The following HEPH variants were observed in gnomAD, a reference collection of about 807,000 sequenced individuals.
The protein encoded by HEPH is hephaestin.
In HEPH, 69 loss-of-function variants were observed where a neutral mutation model predicts 80.8. The observed-to-expected ratio is 0.85, with a 90% CI of 0.70 to 1.04. The LOEUF (loss-of-function observed/expected upper bound fraction) is 1.04. HEPH is among the 50% of genes least tolerant of loss of function. HEPH has a pLI of 0.00. For synonymous variants in HEPH, 431 were observed against 322.8 expected, an observed-to-expected ratio of 1.34 and a Z score of -3.60; for missense variants, 1,115 against 891.3, an observed-to-expected ratio of 1.25 and a Z score of -3.20.
intron 15 of HEPH, among the ~76,000 whole-genome samples, chrX:66,232,531 G>A (rs1469897811): frequency 9.0e-6 from 1 of 111,211 alleles, no homozygotes; most frequent in Non-Finnish European, 1.9e-5. Context: ...ATGTCCGTAT[G>A]AAATCCTAGT....
At chrX:66,235,382 A>G (rs143431972) in intron 15 of HEPH, among the ~76,000 whole-genome samples, 165 of 112,234 alleles carry the variant, frequency 1.5e-3, no homozygotes, top group South Asian at 7.9e-3. Flanking sequence ...AATAAGGCGT[A>G]AGGAAGGGGT....
intron 4 of HEPH, among the ~76,000 whole-genome samples, chrX:66,178,557 A>G (rs1289293197): frequency 8.9e-6 from 1 of 112,312 alleles, no homozygotes; most frequent in Non-Finnish European, 1.9e-5. Context: ...TTGTAGTCCC[A>G]CCAACAGTGT....
chrX:66,179,839 T>A (rs893504358), intron 4 of HEPH, among the ~76,000 whole-genome samples: 3 of 111,892 alleles, frequency 2.7e-5, no homozygotes, highest in African/African-American at 9.8e-5. Context: ...ATAATGGCCC[T>A]CTTTGTCTCT....
At chrX:66,241,174 A>G (rs1165529818) in intron 15 of HEPH, among the ~76,000 whole-genome samples, 1 of 112,530 alleles carries the variant, frequency 8.9e-6, no homozygotes, top group Non-Finnish European at 1.9e-5. Context: ...TGAATAGTCC[A>G]TGGACACTAT....
At position 66,187,227 on chromosome X, in the gene HEPH, ACCT is replaced by A. The variant is rs1260150054; in HGVS notation, c.626-1128_626-1126del. On this transcript the variant is annotated intron_variant, in intron 4 of 20. Transcript: ENST00000343002. Reference sequence around the variant, plus strand: ...GCCTCCCTGATTAGCTTAATAACTAACCTCCTGAATTCGTTTTCAGGTAAATCA... The same window carrying A: ...GCCTCCCTGATTAGCTTAATAACTAACCTGAATTCGTTTTCAGGTAAATCA... Among the ~76,000 whole-genome samples, 4 of 109,852 alleles carry A rather than the reference ACCT, an allele frequency of 3.6e-5. No individual in the cohort carries two copies. In the East Asian group the frequency reaches 1.1e-3, roughly 31 times the overall value.
intron 15 of HEPH, among the ~76,000 whole-genome samples, chrX:66,220,760 A>C (rs1361366661): frequency 9.0e-6 from 1 of 110,983 alleles, no homozygotes; most frequent in Non-Finnish European, 1.9e-5. Context: ...CACATTACTC[A>C]TATCATTTAT....
At position 66,205,922 on chromosome X, in the gene HEPH, G is replaced by A. The variant is rs185268231; in HGVS notation, c.2292-1273G>A. On this transcript the variant is annotated intron_variant, in intron 13 of 20. Coordinates refer to ENST00000343002, the MANE Select transcript of HEPH (RefSeq NM_001367233.3). ...CAGGACTAGAAAACGAGGGAGGGAA[G>A]GAGCAGCAGACTTGAATCTAAATCC... 2.4e-4 allele frequency among the ~76,000 whole-genome samples: 27 copies of A among 111,422 alleles called. No homozygotes were observed. In the East Asian group the frequency reaches 7.6e-3, roughly 31 times the overall value.
intron 15 of HEPH, among the ~76,000 whole-genome samples, chrX:66,221,346 C>A (rs1052662876): frequency 2.7e-5 from 3 of 112,390 alleles, no homozygotes; most frequent in African/African-American, 9.7e-5. Flanking sequence ...TAGGGTGTTG[C>A]AAACTTCAAT....
chrX:66,199,361 C>G (rs1482703150), intron 11 of HEPH, among the ~76,000 whole-genome samples: 1 of 70,003 alleles, frequency 1.4e-5, no homozygotes, highest in Non-Finnish European at 2.7e-5. Flanking sequence ...TACCTTGGGT[C>G]CCCCCCCCCC....
rs375448526 is a variant in HEPH, at chrX:66,179,427, G to A, written c.625+5626G>A. ...TTGCTTAGGATTGACTTGGCAATGCGGGCTCTTTTTTGGTTCCTTATGAAC... is the reference window on the plus strand; with the variant it reads ...TTGCTTAGGATTGACTTGGCAATGCAGGCTCTTTTTTGGTTCCTTATGAAC... On this transcript the variant is annotated intron_variant, in intron 4 of 20. Coordinates refer to ENST00000343002, the MANE Select transcript of HEPH (RefSeq NM_001367233.3). 3.4e-4 allele frequency among the ~76,000 whole-genome samples: 38 copies of A among 111,681 alleles called. 1 individual carries two copies. In the East Asian group the frequency reaches 4.8e-3, roughly 14 times the overall value.
At chrX:66,267,525 TGAG>T (rs915030211), downstream of HEPH, 1 of 111,440 alleles carries the variant, frequency 9.0e-6, no homozygotes, top group African/African-American at 3.3e-5. Flanking sequence ...GTTTTAGAGA[TGAG>T]GAAGCTGTTC....
Position 66,164,465 on chromosome X carries a change from G to T in HEPH, c.-19G>T. The T allele has an allele frequency of 1.3e-6, 1 of 753,560 alleles. No individual in the cohort carries two copies. The highest frequency in any genetic ancestry group is 1.6e-6 in the Non-Finnish European group (1 of 638,720). The allele number at this position is 753,560 out of a possible 1,213,427, so 62.1% of individuals were successfully genotyped here. On this transcript the variant is annotated 5_prime_UTR_variant, in exon 1 of 21. Transcript: ENST00000343002. ...CATGAATATGGAGTAGTTTTCTCTA[G>T]CAAAGGTAAGCTTTCTTTTCTCTCT...
Position 66,193,656 on chromosome X carries a change from T to G in HEPH, c.1369+18T>G, listed in dbSNP as rs763677700. 8.7e-7 allele frequency: 1 copy of G among 1,155,579 alleles called. No homozygotes were observed. Among genetic ancestry groups the G allele is most frequent in the East Asian group, 3.0e-5 (1 of 32,983 alleles). On this transcript the variant is annotated intron_variant, in intron 8 of 20. Coordinates refer to ENST00000343002, the MANE Select transcript of HEPH (RefSeq NM_001367233.3). ...AATCCTGGGTGAGGAATTTTTAAAT[T>G]ATGAAATTCATTTACTAGAGCCAGA...
At position 66,248,838 on chromosome X, in the gene HEPH, A is replaced by T. The variant is rs150298725; in HGVS notation, c.2564-6197A>T. ...GTACTATCTGTGCTTTCAGGTTTCC[A>T]CTGGTTTTGGAATGTATCCTCCTTG... On this transcript the variant is annotated intron_variant, in intron 15 of 20. Transcript: ENST00000343002. Among the ~76,000 whole-genome samples the T allele has an allele frequency of 8.3e-4, 93 of 111,742 alleles. No homozygotes were observed. In the East Asian group the frequency reaches 0.011, roughly 14 times the overall value.
intron 11 of HEPH, among the ~76,000 whole-genome samples, chrX:66,199,494 T>G (rs2088304253): frequency 9.0e-6 from 1 of 111,608 alleles, no homozygotes; most frequent in Non-Finnish European, 1.9e-5. Context: ...GTTTCATCAT[T>G]TGGAAAAAGT....
intron 4 of HEPH, among the ~76,000 whole-genome samples, chrX:66,187,005 G>T (rs1447803932): frequency 6.3e-5 from 7 of 110,339 alleles, no homozygotes; most frequent in Non-Finnish European, 9.5e-5. Flanking sequence ...TCTTCTACTT[G>T]TTCAATTCTA....
chrX:66,202,563 T>C (rs1462443844), intron 12 of HEPH, among the ~76,000 whole-genome samples: 1 of 111,361 alleles, frequency 9.0e-6, no homozygotes, highest in Non-Finnish European at 1.9e-5. Flanking sequence ...GCACATTCCA[T>C]TGTAAAAAAT....
Position 66,255,147 on chromosome X carries a change from T to C in HEPH, c.2670+6T>C, listed in dbSNP as rs747371683. 2.6e-6 allele frequency: 3 copies of C among 1,155,214 alleles called. No individual in the cohort carries two copies. Among genetic ancestry groups the C allele is most frequent in the Non-Finnish European group, 3.5e-6 (3 of 849,795 alleles). ...CTGCAGTGGATCCCATCAAGGTAAA[T>C]ACAAGATTGGCTACCTGGAGGTGGG... On this transcript the variant is annotated splice_donor_region_variant and intron_variant, in intron 16 of 20. Transcript: ENST00000343002.
At chrX:66,238,871 G>A (rs1222243584) in intron 15 of HEPH, among the ~76,000 whole-genome samples, 1 of 112,268 alleles carries the variant, frequency 8.9e-6, no homozygotes, top group African/African-American at 3.2e-5. Flanking sequence ...ATCCCTTATG[G>A]GAAATGAAGG....
Sources: gnomAD v4.1 joint callset for allele counts (sites outside exome capture counted in the v4.1 genomes callset) on GRCh38, gnomAD v4.1.1 for gene constraint, MANE v1.5 for transcripts, NCBI Gene and HGNC (gene_info 2026-07-23, HGNC 2026-07-21) for gene names.